The following PRKG1 variants were observed in gnomAD, a reference collection of about 807,000 sequenced individuals.
PRKG1 encodes the protein protein kinase cGMP-dependent 1, also known as cGMP-dependent protein kinase 1.
PRKG1 carries 35 observed loss-of-function variants against 88.1 expected under a neutral mutation model. The ratio of observed to expected loss-of-function variants is 0.40; its 90% confidence interval spans 0.30 to 0.53. The LOEUF is 0.53. PRKG1 is among the 20% of genes least tolerant of loss of function. The probability of loss-of-function intolerance (pLI) is 0.59; values close to 1 mark genes in which losing one functional copy is unlikely to be tolerated. For synonymous variants in PRKG1, 303 were observed against 292.5 expected (o/e 1.04, Z -0.37); for missense variants, 540 against 839.8 (o/e 0.64, Z 4.41).
At chr10:51,763,665 A>G (rs1361701376) in intron 3 of PRKG1, among the ~76,000 whole-genome samples, 1 of 151,916 alleles carries the variant, frequency 6.6e-6, no homozygotes, top group Non-Finnish European at 1.5e-5. Flanking sequence ...TTAATAAAGT[A>G]CCACCTGGAT....
At chr10:51,159,355 C>T (rs1049249871) in intron 2 of PRKG1, among the ~76,000 whole-genome samples, 4 of 152,078 alleles carry the variant, frequency 2.6e-5, no homozygotes, top group Non-Finnish European at 5.9e-5. Context: ...TCTTTACAAT[C>T]AGATGTTGCC....
chr10:52,059,288 C>T (rs1305116274), intron 6 of PRKG1, among the ~76,000 whole-genome samples: 2 of 151,736 alleles, frequency 1.3e-5, no homozygotes, highest in African/African-American at 2.4e-5. Flanking sequence ...AAACATTTAC[C>T]GTATGACACA....
intron 7 of PRKG1, among the ~76,000 whole-genome samples, chr10:52,093,972 T>C (rs1904016): frequency 0.082 from 12,483 of 152,208 alleles, 767 homozygotes; most frequent in East Asian, 0.35. Flanking sequence ...AGAACCCCTA[T>C]GGTTGCAGAA....
chr10:51,945,846 T>C (rs1452056099), intron 5 of PRKG1, among the ~76,000 whole-genome samples: 2 of 151,668 alleles, frequency 1.3e-5, no homozygotes, highest in Non-Finnish European at 2.9e-5. Context: ...GATGGGCTTC[T>C]CTTTGTGGGT....
intron 9 of PRKG1, among the ~76,000 whole-genome samples, chr10:52,243,136 T>A (rs1250364599): frequency 6.6e-6 from 1 of 152,196 alleles, no homozygotes; most frequent in Non-Finnish European, 1.5e-5. Context: ...TTTTGGCCTT[T>A]AATTTTATTG....
chr10:51,928,103 C>T (rs1267641599), intron 5 of PRKG1, among the ~76,000 whole-genome samples: 1 of 152,080 alleles, frequency 6.6e-6, no homozygotes, highest in Non-Finnish European at 1.5e-5. Flanking sequence ...AATCAGGAGG[C>T]CTCCTGAGGC....
intron 4 of PRKG1, among the ~76,000 whole-genome samples, chr10:51,869,505 A>G (rs908736284): frequency 2.0e-5 from 3 of 152,152 alleles, no homozygotes; most frequent in African/African-American, 7.2e-5. Flanking sequence ...AAAGAAACAA[A>G]CCTATGCAGG....
At chr10:52,073,028 T>C (rs1403871747) in intron 7 of PRKG1, among the ~76,000 whole-genome samples, 1 of 152,206 alleles carries the variant, frequency 6.6e-6, no homozygotes, top group African/African-American at 2.4e-5. Context: ...ACACTCCCTT[T>C]GGAAGCTCTA....
chr10:51,632,674 A>G lies in PRKG1; in HGVS notation c.592+164838A>G, dbSNP rs551166783. Among the ~76,000 whole-genome samples the G allele has an allele frequency of 7.1e-4, 108 of 152,308 alleles. 2 individuals carry two copies. In the South Asian group the frequency reaches 0.021, roughly 30 times the overall value. On this transcript the variant is annotated intron_variant, in intron 3 of 17. Coordinates refer to ENST00000373980, the MANE Select transcript of PRKG1 (RefSeq NM_006258.4). Reference sequence around the variant, plus strand: ...GAATAAAATTTTTTAGATTGAGTATAAAATTGAGCCCAAAGTTATGCTTGT... The same window carrying G: ...GAATAAAATTTTTTAGATTGAGTATGAAATTGAGCCCAAAGTTATGCTTGT...
chr10:51,148,554 G>C (rs1367002947), intron 1 of PRKG1, among the ~76,000 whole-genome samples: 1 of 152,106 alleles, frequency 6.6e-6, no homozygotes, highest in Non-Finnish European at 1.5e-5. Flanking sequence ...CCTGTGACCT[G>C]ACTGAGGGCG....
chr10:51,230,824 AT>A (rs1037843691), intron 2 of PRKG1, among the ~76,000 whole-genome samples: 6 of 151,350 alleles, frequency 4.0e-5, no homozygotes, highest in Admixed American at 6.6e-5. Context: ...TACAGATGCA[AT>A]TTTTTTTTCA....
chr10:51,682,408 C>T (rs973903908), intron 3 of PRKG1, among the ~76,000 whole-genome samples: 5 of 152,160 alleles, frequency 3.3e-5, no homozygotes, highest in South Asian at 4.1e-4. Flanking sequence ...ACAAATCTTC[C>T]TTGGAGTGTC....
intron 4 of PRKG1, among the ~76,000 whole-genome samples, chr10:51,824,014 C>T (rs554018703): frequency 1.3e-5 from 2 of 151,952 alleles, no homozygotes; most frequent in South Asian, 4.2e-4. Flanking sequence ...GCTAGGACTA[C>T]ATGTGTGCAC....
intron 3 of PRKG1, among the ~76,000 whole-genome samples, chr10:51,645,472 G>T (rs1321573008): frequency 1.3e-5 from 2 of 152,116 alleles, no homozygotes; most frequent in Non-Finnish European, 2.9e-5. Context: ...TGTATATGCT[G>T]GGAAATACAC....
chr10:51,245,754 C>T (rs536384615), intron 2 of PRKG1: 1 of 151,988 alleles, frequency 6.6e-6, no homozygotes, highest in African/African-American at 2.4e-5. Context: ...GCTAAGAGAA[C>T]ACTGAGACTG....
intron 2 of PRKG1, among the ~76,000 whole-genome samples, chr10:51,388,706 A>G (rs1362264403): frequency 1.3e-5 from 2 of 152,226 alleles, no homozygotes; most frequent in Admixed American, 6.5e-5. Flanking sequence ...TATTTTATAA[A>G]AACAAATTGT....
At chr10:51,022,451 G>A (rs1055141630) in intron 1 of PRKG1, among the ~76,000 whole-genome samples, 2 of 152,128 alleles carry the variant, frequency 1.3e-5, no homozygotes, top group Non-Finnish European at 2.9e-5. Context: ...TTCCAGGTCT[G>A]GAAAGCCTGT....
chr10:52,031,412 A>G (rs1364887992), intron 5 of PRKG1, among the ~76,000 whole-genome samples: 2 of 152,210 alleles, frequency 1.3e-5, no homozygotes, highest in African/African-American at 2.4e-5. Flanking sequence ...CATCTGAAAA[A>G]TGGAGATAAT....
At chr10:52,029,620 C>T (rs776857517) in intron 5 of PRKG1, among the ~76,000 whole-genome samples, 2 of 152,204 alleles carry the variant, frequency 1.3e-5, no homozygotes, top group Non-Finnish European at 2.9e-5. Flanking sequence ...GTGCCTGGTA[C>T]TTGACCACGG....
Sources: gnomAD v4.1 joint callset for allele counts (sites outside exome capture counted in the v4.1 genomes callset) on GRCh38, gnomAD v4.1.1 for gene constraint, MANE v1.5 for transcripts, NCBI Gene and HGNC (gene_info 2026-07-23, HGNC 2026-07-21) for gene names.